Variants in CTSA observed in about 807,000 individuals in gnomAD.
The protein encoded by CTSA is lysosomal protective protein.
CTSA carries 42 observed loss-of-function variants against 66.7 expected under a neutral mutation model. That is an observed-to-expected ratio of 0.63 (90% CI 0.49 to 0.81). CTSA has a LOEUF of 0.81. Among genes scored for constraint, CTSA ranks in the 40% least tolerant of loss-of-function variants. The pLI is 0.00. For synonymous variants in CTSA, 225 were observed against 248.6 expected (o/e 0.91, Z 0.89); for missense variants, 525 against 610.9 (o/e 0.86, Z 1.48).
intron 11 of CTSA, 179 bp from the exon 12 acceptor site, chr20:45,896,786 C>G: frequency 1.5e-6 from 1 of 655,896 alleles, no homozygotes; most frequent in East Asian, 2.8e-5. Flanking sequence ...TGAATCCCAG[C>G]CCATCCAGCC....
rs1423301778 is a variant in CTSA at position 45,898,545 on chromosome 20, G to C, written c.*95G>C. 4 of 1,243,646 alleles carry C rather than the reference G, an allele frequency of 3.2e-6. No homozygotes were observed. Among genetic ancestry groups the C allele is most frequent in the Non-Finnish European group, 4.6e-6 (4 of 871,506 alleles). 77.0% of individuals were successfully genotyped at this position (1,243,646 alleles called of 1,614,324 possible). A position where few individuals can be genotyped will look rare whatever the true frequency, so the allele number is the denominator to read the frequency against. On this transcript the variant is annotated 3_prime_UTR_variant, in exon 15 of 15. Coordinates refer to ENST00000646241, the MANE Select transcript of CTSA (RefSeq NM_000308.4). The surrounding 1 kb of genome is among the most constrained non-coding windows in gnomAD (Gnocchi z 4.6). Reference sequence around the variant, plus strand: ...CTAAGCAAAGTGCCCCTGCAGGCCGGGTTCTGCCGCCAGGACTGCCCCCTT... The same window carrying C: ...CTAAGCAAAGTGCCCCTGCAGGCCGCGTTCTGCCGCCAGGACTGCCCCCTT...
At chr20:45,894,369 C>T (rs1252482896) in intron 8 of CTSA, 1 of 606,954 alleles carries the variant, frequency 1.6e-6, no homozygotes, top group Non-Finnish European at 2.9e-6. Flanking sequence ...CTTCAAGATT[C>T]CCCCTCAAAT....
At position 45,892,044 on chromosome 20, in the gene CTSA, G is replaced by C; in HGVS notation, c.306+17G>C. On this transcript the variant is annotated intron_variant, in intron 3 of 14. Transcript: ENST00000646241. ...CCCTTCCTGGTGAGTGGACAGCAGGGGGAAAGCACAGTTCCCAAAGTAAAA... is the reference window on the plus strand; with the variant it reads ...CCCTTCCTGGTGAGTGGACAGCAGGCGGAAAGCACAGTTCCCAAAGTAAAA... 6.3e-7 allele frequency: 1 copy of C among 1,599,700 alleles called. No homozygotes were observed.
At chr20:45,894,309 TGC>T in intron 8 of CTSA, 1 of 630,364 alleles carries the variant, frequency 1.6e-6, no homozygotes, top group Non-Finnish European at 2.8e-6. Flanking sequence ...ATCAAACACC[TGC>T]AACGTGGCAG....
chr20:45,898,227 TG>T lies in CTSA; in HGVS notation c.1359+121del. ...CATGGGTCACCATCTGGCCCCTGTA[TG>T]GGCAAGTTTTTTTGGAGAGGGGTGG... On this transcript the variant is annotated intron_variant, in intron 14 of 14. Coordinates refer to ENST00000646241, the MANE Select transcript of CTSA (RefSeq NM_000308.4). The surrounding 1 kb of genome is among the most constrained non-coding windows in gnomAD (Gnocchi z 4.6). 1 of 1,347,052 alleles carries T rather than the reference TG, an allele frequency of 7.4e-7. No individual in the cohort carries two copies. The highest frequency in any genetic ancestry group is 1.0e-6 in the Non-Finnish European group (1 of 955,990). The allele number at this position is 1,347,052 out of a possible 1,614,324, so 83.4% of individuals were successfully genotyped here.
At chr20:45,894,781 CA>C in intron 9 of CTSA, 40 bp downstream of exon 9, 1 of 1,603,312 alleles carries the variant, frequency 6.2e-7, no homozygotes, top group African/African-American at 1.3e-5. Flanking sequence ...ACCCCAGCCC[CA>C]TCTGGAGGCT....
rs774001808 is a variant in CTSA at position 45,893,174 on chromosome 20, T to TC, written c.601-44dup. On this transcript the variant is annotated intron_variant, in intron 6 of 14. Transcript: ENST00000646241. Reference sequence around the variant, plus strand: ...TGGGTGGTAGGGTGAGGGAGGCTCTTCCTTTTTGCCCTCCACATGAGCTGA... The same window carrying TC: ...TGGGTGGTAGGGTGAGGGAGGCTCTTCCCTTTTTGCCCTCCACATGAGCTGA... 19 of 1,520,060 alleles carry TC rather than the reference T, an allele frequency of 1.2e-5. No homozygotes were observed. In the African/African-American group the frequency reaches 2.6e-4, roughly 21 times the overall value. The allele number at this position is 1,520,060 out of a possible 1,614,324, so 94.2% of individuals were successfully genotyped here. A position where few individuals can be genotyped will look rare whatever the true frequency, so the allele number is the denominator to read the frequency against.
Position 45,898,628 on chromosome 20 carries a change from C to A in CTSA, c.*178C>A. 2 of 725,676 alleles carry A rather than the reference C, an allele frequency of 2.8e-6. No individual in the cohort carries two copies. The highest frequency in any genetic ancestry group is 1.5e-5 in the South Asian group (1 of 65,414). 45.0% of individuals were successfully genotyped at this position (725,676 alleles called of 1,614,324 possible). A position where few individuals can be genotyped will look rare whatever the true frequency, so the allele number is the denominator to read the frequency against. ...GGGTCTCCCATAGACAGCCTGGGGG[C>A]AAGTTAGCACTTTATTCCCGCAGCA... On this transcript the variant is annotated 3_prime_UTR_variant, in exon 15 of 15. Transcript: ENST00000646241. The surrounding 1 kb of genome is among the most constrained non-coding windows in gnomAD (Gnocchi z 4.6).
intron 8 of CTSA, chr20:45,894,299 A>G: frequency 1.6e-6 from 1 of 633,864 alleles, no homozygotes; most frequent in African/African-American, 1.8e-5. Context: ...CTTCACATTT[A>G]TCAAACACCT....
At chr20:45,892,551 G>A in intron 5 of CTSA, 67 bp downstream of exon 5, 1 of 1,548,908 alleles carries the variant, frequency 6.5e-7, no homozygotes, top group Admixed American at 1.7e-5. Context: ...GATGCTGGGA[G>A]AGAGAGCATG....
intron 11 of CTSA, chr20:45,896,679 C>T: frequency 2.4e-6 from 1 of 422,968 alleles, no homozygotes; most frequent in Non-Finnish European, 4.5e-6. Context: ...CCTCGTGATC[C>T]ACTCACCTCG....
Position 45,893,349 on chromosome 20 carries a change from G to A in CTSA, c.692+38G>A, listed in dbSNP as rs778136274. On this transcript the variant is annotated intron_variant, in intron 7 of 14. Coordinates refer to ENST00000646241, the MANE Select transcript of CTSA (RefSeq NM_000308.4). The stretch of plus-strand genomic sequence containing the variant: ...GCAGTTGGGCAATCTCTGGGGTGAG[G>A]CAGGTCACATGATCTCAGGTCTGTC... 19 of 1,491,820 alleles carry A rather than the reference G, an allele frequency of 1.3e-5. No homozygotes were observed. In the South Asian group the frequency reaches 2.0e-4, roughly 16 times the overall value. 92.4% of individuals were successfully genotyped at this position (1,491,820 alleles called of 1,614,324 possible).
At position 45,891,349 on chromosome 20, in the gene CTSA, T is replaced by C. The variant is rs1355619352; in HGVS notation, c.-31T>C. 1.3e-6 allele frequency: 2 copies of C among 1,572,246 alleles called. No individual in the cohort carries two copies. Among genetic ancestry groups the C allele is most frequent in the Non-Finnish European group, 1.7e-6 (2 of 1,159,192 alleles). ...ACATGACTTCCAGTCCCCGGGCGCCTCCTGGAGAGCAAGGACGCGGGGGAG... is the reference window on the plus strand; with the variant it reads ...ACATGACTTCCAGTCCCCGGGCGCCCCCTGGAGAGCAAGGACGCGGGGGAG... On this transcript the variant is annotated 5_prime_UTR_variant, in exon 1 of 15. Coordinates refer to ENST00000646241, the MANE Select transcript of CTSA (RefSeq NM_000308.4). This position sits in a 1 kb window ranked among gnomAD's most constrained non-coding sequence, Gnocchi z 4.6.
chr20:45,891,956 GTGCT>G lies in CTSA; in HGVS notation c.237_240del (p.Leu80GlyfsTer11), dbSNP rs1986978596. ...GAAGGATCCCGAGAACAGCCCTGTGGTGCTTTGGCTCAATGGGGGTCCCGGCTGC... is the reference window on the plus strand; with the variant it reads ...GAAGGATCCCGAGAACAGCCCTGTGGTTGGCTCAATGGGGGTCCCGGCTGC... On this transcript the variant is annotated frameshift_variant, in exon 3 of 15. Coordinates refer to ENST00000646241, the MANE Select transcript of CTSA (RefSeq NM_000308.4). LOFTEE classifies it high-confidence loss of function. This position sits in a 1 kb window ranked among gnomAD's most constrained non-coding sequence, Gnocchi z 4.6. 6.2e-7 allele frequency: 1 copy of G among 1,614,054 alleles called. No homozygotes were observed. Among genetic ancestry groups the G allele is most frequent in the Non-Finnish European group, 8.5e-7 (1 of 1,180,036 alleles).
Position 45,891,696 on chromosome 20 carries a change from A to G in CTSA, c.128A>G (p.Lys43Arg), listed in dbSNP as rs753886584. ...DEIQRLPGLAKQPSFRQYSGY... is the reference protein window; with the variant it reads ...DEIQRLPGLARQPSFRQYSGY... ...ATCCAGCGCCTCCCCGGGCTGGCCA[A>G]GCAGCCGTCTTTCCGCCAGTACTCC... The change falls in exon 2 of 15, where the codon AAG (lysine) becomes AGG (arginine). Residue 43 changes from lysine (K) to arginine (R), a missense_variant. This residue lies in a region of CTSA where 246 missense variants were observed against 267.4 expected (regional missense o/e 0.92). Transcript: ENST00000646241. This position sits in a 1 kb window ranked among gnomAD's most constrained non-coding sequence, Gnocchi z 4.6. 1 of 1,613,324 alleles carries G rather than the reference A, an allele frequency of 6.2e-7. No individual in the cohort carries two copies. Among genetic ancestry groups the G allele is most frequent in the South Asian group, 1.1e-5 (1 of 91,088 alleles).
intron 11 of CTSA, chr20:45,896,460 AGTCTTGCT>A (rs1490889083): frequency 5.7e-6 from 1 of 176,506 alleles, no homozygotes; most frequent in Non-Finnish European, 1.2e-5. Flanking sequence ...TTTGAGATGG[AGTCTTGCT>A]GTCACTCAGG....
In CTSA at chr20:45,891,678, G is replaced by C. The variant is rs751427255; in HGVS notation, c.110G>C (p.Arg37Pro). ...EAAPDQDEIQ[R>P]LPGLAKQPSF... is the part of the protein sequence containing the mutation. ...GCCCCCGACCAGGACGAGATCCAGC[G>C]CCTCCCCGGGCTGGCCAAGCAGCCG... The change falls in exon 2 of 15, where the codon CGC becomes CCC. Residue 37 changes from arginine to proline, a missense_variant. Transcript: ENST00000646241. This position sits in a 1 kb window ranked among gnomAD's most constrained non-coding sequence, Gnocchi z 4.6. 5.6e-6 allele frequency: 9 copies of C among 1,612,746 alleles called. No homozygotes were observed. The highest frequency in any genetic ancestry group is 7.6e-6 in the Non-Finnish European group (9 of 1,179,960).
intron 4 of CTSA, 36 bp from the exon 5 acceptor site, chr20:45,892,362 G>T: frequency 6.2e-7 from 1 of 1,613,914 alleles, no homozygotes; most frequent in Non-Finnish European, 8.5e-7. Context: ...GCACTTGGAT[G>T]GGGTGGCATT....
At chr20:45,896,822 G>T (rs1487443056) in intron 11 of CTSA, 143 bp from the exon 12 acceptor site, 1 of 703,344 alleles carries the variant, frequency 1.4e-6, no homozygotes, top group African/African-American at 2.2e-5. Flanking sequence ...TCCTAGAGAG[G>T]TGGCCCCCCC....
Sources: gnomAD v4.1 joint callset for allele counts on GRCh38, gnomAD v4.1.1 for gene constraint, gnomAD v4.1.1 regional missense constraint, Gnocchi (gnomAD v3.1) non-coding constraint, MANE v1.5 for transcripts, NCBI Gene and HGNC (gene_info 2026-07-23, HGNC 2026-07-21) for gene names.